Variants in ADGB observed in about 807,000 individuals in gnomAD.
ADGB encodes androglobin, also known as calpain-7-like protein.
Under a neutral mutation model 210.5 loss-of-function variants are expected in ADGB, and 172 were observed. That is an observed-to-expected ratio of 0.82 (90% CI 0.72 to 0.93). ADGB has a LOEUF of 0.93. ADGB is among the 40% of genes least tolerant of loss of function. ADGB has a pLI of 0.00. For missense variants in ADGB, 2,025 were observed against 1,964.8 expected (o/e 1.03, Z -0.58); for synonymous variants, 658 against 662.7 (o/e 0.99, Z 0.11).
At chr6:146,685,698 A>G in intron 9 of ADGB, 36 bp from the exon 10 acceptor site, 1 of 1,340,146 alleles carries the variant, frequency 7.5e-7, no homozygotes, top group Non-Finnish European at 1.0e-6. Flanking sequence ...GATTTTGACT[A>G]GAATTTTCAC....
chr6:146,659,149 C>T (rs576026230), intron 5 of ADGB, among the ~76,000 whole-genome samples: 1 of 152,272 alleles, frequency 6.6e-6, no homozygotes, highest in East Asian at 1.9e-4. Flanking sequence ...TTATCCGTTT[C>T]TTTCCTTTCC....
chr6:146,700,705 T>G (rs1173693863), intron 12 of ADGB, among the ~76,000 whole-genome samples: 1 of 152,138 alleles, frequency 6.6e-6, no homozygotes, highest in Non-Finnish European at 1.5e-5. Context: ...TTGAAACAAA[T>G]AGTGTTCTAG....
chr6:146,632,354 C>T (rs1318737916), intron 1 of ADGB, among the ~76,000 whole-genome samples: 3 of 152,118 alleles, frequency 2.0e-5, no homozygotes, highest in East Asian at 1.9e-4. Context: ...TAACCTCCTC[C>T]GACTCCTTCT....
At chr6:146,711,430 T>A (rs1354271201) in intron 13 of ADGB, among the ~76,000 whole-genome samples, 1 of 152,106 alleles carries the variant, frequency 6.6e-6, no homozygotes, top group Non-Finnish European at 1.5e-5. Context: ...AGAACTTTGC[T>A]CCTGGTACCT....
At chr6:146,724,913 CA>C (rs750607310) in intron 18 of ADGB, 1 of 152,140 alleles carries the variant, frequency 6.6e-6, no homozygotes, top group East Asian at 1.9e-4. Context: ...AATATTACCT[CA>C]AATTTCAGAA....
chr6:146,635,813 G>C (rs749414202), intron 2 of ADGB, among the ~76,000 whole-genome samples: 2 of 152,024 alleles, frequency 1.3e-5, no homozygotes, highest in Non-Finnish European at 2.9e-5. Flanking sequence ...GATAGGGCAG[G>C]TTAGCCAGTC....
chr6:146,724,171 T>C lies in ADGB; in HGVS notation c.2096-15T>C, dbSNP rs1249033832. 2 of 1,541,060 alleles carry C rather than the reference T, an allele frequency of 1.3e-6. No individual in the cohort carries two copies. Among genetic ancestry groups the C allele is most frequent in the Admixed American group, 4.2e-5 (2 of 47,634 alleles). On this transcript the variant is annotated splice_polypyrimidine_tract_variant and intron_variant, in intron 17 of 35. Coordinates refer to ENST00000397944, the MANE Select transcript of ADGB (RefSeq NM_024694.4). Reference sequence around the variant, plus strand: ...TTCATGATCAAACTTTAATACCTTTTTACTTATCTTAAAGCCTTAACAAAA... The same window carrying C: ...TTCATGATCAAACTTTAATACCTTTCTACTTATCTTAAAGCCTTAACAAAA...
intron 32 of ADGB, 129 bp downstream of exon 32, chr6:146,785,841 AAAAAGT>A: frequency 1.5e-6 from 1 of 678,506 alleles, no homozygotes; most frequent in East Asian, 2.8e-5. Context: ...TGAGGATTAT[AAAAAGT>A]CGCACAATTT....
chr6:146,714,308 G>T (rs796961605), intron 13 of ADGB, among the ~76,000 whole-genome samples: 2 of 138,870 alleles, frequency 1.4e-5, no homozygotes, highest in Admixed American at 6.8e-5. Context: ...CTCCCAATGT[G>T]CATCTTGTTT....
chr6:146,764,036 C>T lies in ADGB; in HGVS notation c.3686C>T (p.Pro1229Leu), dbSNP rs367597641. ...AVSAIQDIGL[P>L]LVEEETTSTP... The stretch of plus-strand genomic sequence containing the variant: ...AGTGCAATACAAGACATTGGTCTAC[C>T]CCTTGTGGAGGAGGAAACTACCAGT... Residue 1229 changes from proline (P) to leucine (L), a missense_variant, in exon 28 of 36, where the codon CCC (proline) becomes CTC (leucine). By Grantham distance (98) the Pro-to-Leu change is moderately conservative. Transcript: ENST00000397944. 4.5e-6 allele frequency: 7 copies of T among 1,551,230 alleles called. No individual in the cohort carries two copies. In the African/African-American group the frequency reaches 9.6e-5, roughly 21 times the overall value.
chr6:146,704,602 A>G (rs570775012), intron 13 of ADGB, among the ~76,000 whole-genome samples: 167 of 152,056 alleles, frequency 1.1e-3, no homozygotes, highest in Middle Eastern at 3.4e-3. Flanking sequence ...TTTCGACCAT[A>G]ATAGTTTGAA....
At chr6:146,741,068 T>C in intron 24 of ADGB, 50 bp from the exon 25 acceptor site, 1 of 1,380,370 alleles carries the variant, frequency 7.2e-7, no homozygotes, top group Non-Finnish European at 9.4e-7. Flanking sequence ...AATTTCAAAC[T>C]TCCTTTAAGA....
intron 35 of ADGB, chr6:146,803,350 T>A: frequency 6.2e-7 from 1 of 1,606,972 alleles, no homozygotes; most frequent in Non-Finnish European, 8.5e-7. Context: ...ACCAAATATG[T>A]TCGACTGTCA....
chr6:146,789,496 G>C (rs1188923055), intron 33 of ADGB, among the ~76,000 whole-genome samples: 3 of 152,272 alleles, frequency 2.0e-5, no homozygotes, highest in Admixed American at 1.3e-4. Flanking sequence ...AAACAATTCT[G>C]AGAATTTTTA....
chr6:146,799,079 A>AAAAAAAAAAG (rs1778086095), intron 33 of ADGB, among the ~76,000 whole-genome samples: 1 of 148,974 alleles, frequency 6.7e-6, no homozygotes, highest in African/African-American at 2.5e-5. Flanking sequence ...AAAAAAAAAA[A>AAAAAAAAAAG]CAGAAAAGCC....
At chr6:146,653,084 A>G (rs1191159726) in intron 3 of ADGB, among the ~76,000 whole-genome samples, 1 of 152,108 alleles carries the variant, frequency 6.6e-6, no homozygotes, top group Non-Finnish European at 1.5e-5. Context: ...TTCTCACTGC[A>G]GTGTGAAACT....
chr6:146,617,116 GTTA>G (rs941244348), intron 1 of ADGB, among the ~76,000 whole-genome samples: 2 of 151,716 alleles, frequency 1.3e-5, no homozygotes, highest in Non-Finnish European at 2.9e-5. Flanking sequence ...CCTTTTCAAT[GTTA>G]TTTATCAGTG....
At chr6:146,686,865 A>T (rs965380635) in intron 10 of ADGB, among the ~76,000 whole-genome samples, 1 of 152,166 alleles carries the variant, frequency 6.6e-6, no homozygotes, top group Non-Finnish European at 1.5e-5. Context: ...TTAGTTAGCT[A>T]GAAAGAGCTA....
intron 33 of ADGB, among the ~76,000 whole-genome samples, chr6:146,793,926 G>A (rs1268064048): frequency 2.0e-5 from 3 of 152,216 alleles, no homozygotes; most frequent in Non-Finnish European, 2.9e-5. Flanking sequence ...ATTTGGGATT[G>A]TAGAGTAAGG....
Sources: gnomAD v4.1 joint callset for allele counts (sites outside exome capture counted in the v4.1 genomes callset) on GRCh38, gnomAD v4.1.1 for gene constraint, MANE v1.5 for transcripts, NCBI Gene and HGNC (gene_info 2026-07-23, HGNC 2026-07-21) for gene names.